PSEN1: variants seen among roughly 807,000 people sequenced by gnomAD.
PSEN1 encodes presenilin-1.
A neutral mutation model predicts 53.5 loss-of-function variants in PSEN1; 15 were observed. That is an observed-to-expected ratio of 0.28 (90% CI 0.19 to 0.43). The LOEUF (loss-of-function observed/expected upper bound fraction) is 0.43, where lower values mean the gene tolerates loss of function less well. Ranked by LOEUF, PSEN1 falls within the 20% of genes least tolerant of loss-of-function variation. The pLI, the probability that PSEN1 is intolerant of heterozygous loss-of-function variation, is 1.00. For missense variants in PSEN1, 387 were observed against 571.2 expected (o/e 0.68, Z 3.29); for synonymous variants, 208 against 209.8 (o/e 0.99, Z 0.08).
At chr14:73,198,265 T>C (rs1314445550) in intron 8 of PSEN1, 136 bp downstream of exon 8, 1 of 656,114 alleles carries the variant, frequency 1.5e-6, no homozygotes, top group African/African-American at 1.8e-5. Context: ...CCTGCAGATC[T>C]CTTTGTTTCC....
intron 3 of PSEN1, among the ~76,000 whole-genome samples, chr14:73,153,400 CTGTT>C (rs1897276986): frequency 1.3e-5 from 2 of 152,202 alleles, no homozygotes; most frequent in Non-Finnish European, 2.9e-5. Context: ...GTTATGTCAA[CTGTT>C]TGTGGAAATG....
rs1357709454 is a variant in PSEN1, at chr14:73,221,744, A to G, written c.*2455A>G. On this transcript the variant is annotated 3_prime_UTR_variant, in exon 12 of 12. Transcript: ENST00000324501. ...TCTCAGGCAGAGAACTTTTCCCTCA[A>G]ACATTCTTTTTAGAATTAGTTCAGT... The G allele has an allele frequency of 2.0e-5, 3 of 152,182 alleles. No individual in the cohort carries two copies. Among genetic ancestry groups the G allele is most frequent in the Non-Finnish European group, 4.4e-5 (3 of 68,028 alleles). 9.4% of individuals were successfully genotyped at this position (152,182 alleles called of 1,614,324 possible).
At chr14:73,194,778 C>G (rs1325321922) in intron 7 of PSEN1, among the ~76,000 whole-genome samples, 1 of 151,524 alleles carries the variant, frequency 6.6e-6, no homozygotes, top group East Asian at 2.0e-4. Flanking sequence ...CCATGTTAGC[C>G]AGGATGATCT....
chr14:73,144,239 A>C (rs1296394923), intron 1 of PSEN1, among the ~76,000 whole-genome samples: 1 of 151,774 alleles, frequency 6.6e-6, no homozygotes, highest in Non-Finnish European at 1.5e-5. Flanking sequence ...ATCGGGTTTC[A>C]CCATGTTGGC....
chr14:73,197,897 C>A (rs1419839848), intron 7 of PSEN1, 134 bp from the exon 8 acceptor site: 19 of 545,116 alleles, frequency 3.5e-5, no homozygotes, highest in East Asian at 3.3e-5. Context: ...ATTTCATATT[C>A]ATTCAACGTC....
intron 8 of PSEN1, among the ~76,000 whole-genome samples, chr14:73,205,421 G>T (rs59341951): frequency 1.3e-5 from 2 of 149,032 alleles, no homozygotes; most frequent in African/African-American, 5.0e-5. Context: ...GGAGCTTGCA[G>T]TGAGCCGAGA....
chr14:73,205,825 A>G (rs1028469973), intron 8 of PSEN1, among the ~76,000 whole-genome samples: 1 of 152,234 alleles, frequency 6.6e-6, no homozygotes, highest in Non-Finnish European at 1.5e-5. Flanking sequence ...CTAGATTGAT[A>G]TATTGATATA....
At chr14:73,210,405 C>A (rs183915167) in intron 9 of PSEN1, among the ~76,000 whole-genome samples, 16 of 152,292 alleles carry the variant, frequency 1.1e-4, no homozygotes, top group Middle Eastern at 3.4e-3. Flanking sequence ...GGAAGAGTTA[C>A]ATTTGCGTGC....
At chr14:73,203,829 A>C (rs1456049044) in intron 8 of PSEN1, among the ~76,000 whole-genome samples, 7 of 152,126 alleles carry the variant, frequency 4.6e-5, no homozygotes, top group Non-Finnish European at 1.0e-4. Flanking sequence ...TTTTGATTTC[A>C]TATCAGTTGG....
chr14:73,192,571 A>G (rs759834354), intron 6 of PSEN1, 73 bp from the exon 7 acceptor site: 19 of 1,053,262 alleles, frequency 1.8e-5, no homozygotes, highest in Non-Finnish European at 2.7e-5. Flanking sequence ...TTTGGGAGCC[A>G]TCACATTATT....
intron 5 of PSEN1, among the ~76,000 whole-genome samples, chr14:73,184,059 C>T (rs1413036943): frequency 1.5e-5 from 2 of 130,724 alleles, no homozygotes; most frequent in African/African-American, 6.4e-5. Flanking sequence ...GGGGGCTGAT[C>T]CCCCCACCTC....
chr14:73,217,966 T>G (rs1899985463), intron 11 of PSEN1, among the ~76,000 whole-genome samples: 1 of 151,910 alleles, frequency 6.6e-6, no homozygotes, highest in Non-Finnish European at 1.5e-5. Context: ...TTTTGTATTT[T>G]TAGTAGAAAC....
intron 3 of PSEN1, among the ~76,000 whole-genome samples, chr14:73,167,551 T>C (rs1897753131): frequency 6.6e-6 from 1 of 152,166 alleles, no homozygotes; most frequent in African/African-American, 2.4e-5. Context: ...CTCTTGATAC[T>C]ACCACAATGG....
chr14:73,160,013 G>A (rs768786711), intron 3 of PSEN1: 2 of 227,962 alleles, frequency 8.8e-6, no homozygotes, highest in Non-Finnish European at 1.9e-5. Context: ...TTGTAGAGAC[G>A]AGTTCTCGCC....
In PSEN1 at chr14:73,221,090, A is replaced by G. The variant is rs890051801; in HGVS notation, c.*1801A>G. On this transcript the variant is annotated 3_prime_UTR_variant, in exon 12 of 12. Coordinates refer to ENST00000324501, the MANE Select transcript of PSEN1 (RefSeq NM_000021.4). The stretch of plus-strand genomic sequence containing the variant: ...CCCAGGATATTTCTTATAAGAACCT[A>G]ACTTCAAGAGTAGTGTGCGAGTACT... 2.0e-5 allele frequency: 3 copies of G among 152,246 alleles called. No homozygotes were observed. The highest frequency in any genetic ancestry group is 6.5e-5 in the Admixed American group (1 of 15,282). The allele number at this position is 152,246 out of a possible 1,614,324, so 9.4% of individuals were successfully genotyped here. A position where few individuals can be genotyped will look rare whatever the true frequency, so the allele number is the denominator to read the frequency against.
intron 3 of PSEN1, among the ~76,000 whole-genome samples, chr14:73,152,530 C>T (rs1469444071): frequency 1.3e-5 from 2 of 151,576 alleles, no homozygotes; most frequent in Admixed American, 6.6e-5. Flanking sequence ...TTGCTTGAAC[C>T]CAGGACTCAG....
At position 73,211,945 on chromosome 14, in the gene PSEN1, A is replaced by G; in HGVS notation, c.1129+3A>G. The G allele has an allele frequency of 1.2e-6, 2 of 1,613,832 alleles. No homozygotes were observed. Among genetic ancestry groups the G allele is most frequent in the Non-Finnish European group, 1.7e-6 (2 of 1,179,856 alleles). On this transcript the variant is annotated splice_donor_region_variant and intron_variant, in intron 10 of 11. Coordinates refer to ENST00000324501, the MANE Select transcript of PSEN1 (RefSeq NM_000021.4). ...CGCTGGTGAAGACCCAGAGGAAAGT[A>G]TGTGCATTTCTCTATGTTGCAAAGT...
rs1435123764 is a variant in PSEN1 at position 73,220,180 on chromosome 14, CATT to C, written c.*892_*894del. 2.0e-5 allele frequency: 3 copies of C among 152,400 alleles called. No homozygotes were observed. Among genetic ancestry groups the C allele is most frequent in the Admixed American group, 6.5e-5 (1 of 15,306 alleles). The allele number at this position is 152,400 out of a possible 1,614,324, so 9.4% of individuals were successfully genotyped here. The stretch of plus-strand genomic sequence containing the variant: ...TTGCCCCAGATGCCTCCTCTGTCCT[CATT>C]CTTCTCTCCCACACAAGCAGTCTTT... On this transcript the variant is annotated 3_prime_UTR_variant, in exon 12 of 12. Transcript: ENST00000324501.
chr14:73,196,692 C>T (rs977509180), intron 7 of PSEN1, among the ~76,000 whole-genome samples: 70 of 151,200 alleles, frequency 4.6e-4, no homozygotes, highest in Non-Finnish European at 9.0e-4. Context: ...CCAGGCTGGT[C>T]TCAAACTCCT....
Sources: allele counts gnomAD v4.1 joint callset (sites outside exome capture counted in the v4.1 genomes callset), GRCh38; gene constraint gnomAD v4.1.1; transcripts MANE v1.5; gene names NCBI Gene and HGNC (gene_info 2026-07-23, HGNC 2026-07-21).